The following PLXDC1 variants were observed in gnomAD, a reference collection of about 807,000 sequenced individuals.
The protein encoded by PLXDC1 is plexin domain-containing protein 1.
PLXDC1 carries 39 observed loss-of-function variants against 61.3 expected under a neutral mutation model. The ratio of observed to expected loss-of-function variants is 0.64; its 90% CI spans 0.49 to 0.83. The LOEUF is 0.83. Ranked by LOEUF, PLXDC1 falls within the 40% of genes least tolerant of loss-of-function variation. PLXDC1 has a pLI of 0.00. For missense variants in PLXDC1, 596 were observed against 666.5 expected (o/e 0.89, Z 1.17); for synonymous variants, 212 against 254.5 (o/e 0.83, Z 1.59).
At position 39,128,087 on chromosome 17, in the gene PLXDC1, C is replaced by CTATGTATA. The variant is rs1304464750; in HGVS notation, c.255+11566_255+11567insTATACATA. On this transcript the variant is annotated intron_variant, in intron 2 of 13. Transcript: ENST00000315392. ...TCTCTGTCTCTCTCTCTCTCTCTCT[C>CTATGTATA]TCTCTATGTGTATATATATATATAT... Among the ~76,000 whole-genome samples, 15 of 67,248 alleles carry CTATGTATA rather than the reference C, an allele frequency of 2.2e-4. 1 individual carries two copies. The highest frequency in any genetic ancestry group is 7.1e-4 in the African/African-American group (13 of 18,416). 44.1% of individuals were successfully genotyped at this position (67,248 alleles called of 152,430 possible).
intron 2 of PLXDC1, among the ~76,000 whole-genome samples, chr17:39,116,235 G>T (rs71369713): frequency 6.6e-6 from 1 of 152,088 alleles, no homozygotes; most frequent in African/African-American, 2.4e-5. Context: ...ACAGCTCTCC[G>T]GGAAGGTGAC....
At chr17:39,117,573 CA>C (rs61199530) in intron 2 of PLXDC1, among the ~76,000 whole-genome samples, 64,952 of 147,926 alleles carry the variant, frequency 0.44, 14,468 homozygotes, top group African/African-American at 0.49. Flanking sequence ...CCCAAGTCTA[CA>C]AAAAAAAAAA....
At chr17:39,095,378 C>G (rs1398883454) in intron 7 of PLXDC1, among the ~76,000 whole-genome samples, 1 of 7,842 alleles carries the variant, frequency 1.3e-4, no homozygotes, top group Non-Finnish European at 3.1e-4. Flanking sequence ...CCCCCCCCCC[C>G]CAACCCCCCA....
At chr17:39,120,604 A>T (rs935623585) in intron 2 of PLXDC1, among the ~76,000 whole-genome samples, 1 of 105,396 alleles carries the variant, frequency 9.5e-6, no homozygotes, top group Admixed American at 9.5e-5. Flanking sequence ...TATTTATTTT[A>T]GGTTTTTTTT....
intron 7 of PLXDC1, 76 bp from the exon 8 acceptor site, chr17:39,087,778 G>C: frequency 9.6e-7 from 1 of 1,038,748 alleles, no homozygotes; most frequent in Non-Finnish European, 1.5e-6. Flanking sequence ...CGGACAGTCT[G>C]ACAGGTCAGC....
Position 39,063,526 on chromosome 17 carries a change from TCAG to T in PLXDC1, c.*4311_*4313del. 1 of 702,836 alleles carries T rather than the reference TCAG, an allele frequency of 1.4e-6. No homozygotes were observed. The highest frequency in any genetic ancestry group is 2.6e-6 in the Non-Finnish European group (1 of 384,976). The allele number at this position is 702,836 out of a possible 1,614,324, so 43.5% of individuals were successfully genotyped here. On this transcript the variant is annotated 3_prime_UTR_variant, in exon 14 of 14. Transcript: ENST00000315392. The stretch of plus-strand genomic sequence containing the variant: ...CATGTCTCAGCGAAGAAGTCGGAGT[TCAG>T]CAGCCATCAGAACCAAGGTATGTGT...
At chr17:39,074,745 GTA>G (rs1355395740) in intron 11 of PLXDC1, among the ~76,000 whole-genome samples, 3 of 152,080 alleles carry the variant, frequency 2.0e-5, no homozygotes, top group Non-Finnish European at 4.4e-5. Flanking sequence ...GTGGGGCAGG[GTA>G]TGTTTGCAGC....
chr17:39,110,006 G>A (rs913198547), intron 2 of PLXDC1, among the ~76,000 whole-genome samples: 3 of 152,172 alleles, frequency 2.0e-5, no homozygotes, highest in African/African-American at 4.8e-5. Context: ...AGTGTGGCCT[G>A]GTGGCACACG....
intron 2 of PLXDC1, among the ~76,000 whole-genome samples, chr17:39,133,167 C>T (rs1444682091): frequency 6.6e-6 from 1 of 152,158 alleles, no homozygotes; most frequent in Non-Finnish European, 1.5e-5. Context: ...CAGGGCCACC[C>T]ATTCTCCAGG....
intron 3 of PLXDC1, 111 bp from the exon 4 acceptor site, chr17:39,109,084 C>T: frequency 8.0e-7 from 1 of 1,243,174 alleles, no homozygotes; most frequent in Non-Finnish European, 1.2e-6. Flanking sequence ...ATGCCCAGGG[C>T]CACTGCTGGG....
intron 6 of PLXDC1, 100 bp from the exon 7 acceptor site, chr17:39,106,053 C>T (rs1208731066): frequency 5.3e-6 from 4 of 747,740 alleles, no homozygotes; most frequent in African/African-American, 3.5e-5. Context: ...GATGGCACCA[C>T]CTCCTGGAGG....
At chr17:39,119,998 A>G (rs533866883) in intron 2 of PLXDC1, among the ~76,000 whole-genome samples, 1 of 152,238 alleles carries the variant, frequency 6.6e-6, no homozygotes, top group Admixed American at 6.5e-5. Flanking sequence ...TTTGCAGTTT[A>G]GACACAACTA....
Position 39,068,714 on chromosome 17 carries a change from C to T in PLXDC1, c.1384-755G>A, listed in dbSNP as rs549867730. ...GCAGATTCCTGGGCCTGCCTTAGAC[C>T]TGCCCTATCAGAATCCCTGTGGCCC... On this transcript the variant is annotated intron_variant, in intron 13 of 13. Transcript: ENST00000315392. Among the ~76,000 whole-genome samples, 15 of 152,302 alleles carry T rather than the reference C, an allele frequency of 9.8e-5. No individual in the cohort carries two copies. The South Asian group carries it at 3.1e-3, about 32-fold the overall frequency.
At chr17:39,108,668 A>G (rs1910683186) in intron 4 of PLXDC1, 1 of 567,278 alleles carries the variant, frequency 1.8e-6, no homozygotes, top group African/African-American at 1.9e-5. Flanking sequence ...GTCCACACTG[A>G]CTCGTGCTGG....
intron 13 of PLXDC1, 98 bp downstream of exon 13, chr17:39,069,758 G>T: frequency 2.2e-6 from 2 of 913,394 alleles, no homozygotes; most frequent in Non-Finnish European, 3.5e-6. Context: ...CAGGTATGTG[G>T]CAGGGGAGAG....
chr17:39,087,446 G>A (rs1475195646), intron 8 of PLXDC1, among the ~76,000 whole-genome samples, 161 bp downstream of exon 8: 1 of 152,168 alleles, frequency 6.6e-6, no homozygotes, highest in Non-Finnish European at 1.5e-5. Flanking sequence ...CCCTATCTCT[G>A]GGAGGGAGGT....
intron 12 of PLXDC1, among the ~76,000 whole-genome samples, chr17:39,071,172 G>A (rs1909102327): frequency 6.6e-6 from 1 of 152,074 alleles, no homozygotes; most frequent in African/African-American, 2.4e-5. Flanking sequence ...GCATGACTGA[G>A]GTAATGGAAA....
chr17:39,097,943 G>A (rs998461191), intron 7 of PLXDC1, among the ~76,000 whole-genome samples: 16 of 145,236 alleles, frequency 1.1e-4, no homozygotes, highest in South Asian at 2.2e-4. Context: ...AACGGCTCAC[G>A]CCTGTAATCC....
chr17:39,073,319 A>G (rs1909197718), intron 11 of PLXDC1: 1 of 152,220 alleles, frequency 6.6e-6, no homozygotes, highest in Non-Finnish European at 1.5e-5. Flanking sequence ...GAGCCACCTC[A>G]CCTGGCCTAA....
Sources: allele counts gnomAD v4.1 joint callset (sites outside exome capture counted in the v4.1 genomes callset), GRCh38; gene constraint gnomAD v4.1.1; transcripts MANE v1.5; gene names NCBI Gene and HGNC (gene_info 2026-07-23, HGNC 2026-07-21).